TANC2: variants seen among roughly 807,000 people sequenced by gnomAD.
TANC2 encodes tetratricopeptide repeat, ankyrin repeat and coiled-coil containing 2.
A neutral mutation model predicts 210.5 loss-of-function variants in TANC2; 26 were observed. That is an observed-to-expected ratio of 0.12 (90% CI 0.09 to 0.17). TANC2 has a LOEUF of 0.17. TANC2 is among the 10% of genes least tolerant of loss of function. The pLI is 1.00. For synonymous variants in TANC2, 931 were observed against 967.1 expected, an observed-to-expected ratio of 0.96 and a Z score of 0.69; for missense variants, 2,129 against 2,608.9, an observed-to-expected ratio of 0.82 and a Z score of 4.01.
intron 7 of TANC2, among the ~76,000 whole-genome samples, chr17:63,214,402 C>G (rs1267818015): frequency 6.6e-6 from 1 of 152,230 alleles, no homozygotes; most frequent in African/African-American, 2.4e-5. Context: ...GTTGTGAAGG[C>G]CACTTTGGCC....
chr17:63,235,157 C>G (rs2042585446), intron 7 of TANC2, among the ~76,000 whole-genome samples: 1 of 151,822 alleles, frequency 6.6e-6, no homozygotes, highest in Non-Finnish European at 1.5e-5. Context: ...TTTCCATGTT[C>G]TTCCTTTGGA....
intron 7 of TANC2, among the ~76,000 whole-genome samples, chr17:63,202,911 CTTATATTCTGCT>C (rs2041582309): frequency 6.6e-6 from 1 of 152,016 alleles, no homozygotes; most frequent in African/African-American, 2.4e-5. Flanking sequence ...TAATACAGAT[CTTATATTCTGCT>C]TTTTAAAATC....
intron 9 of TANC2, chr17:63,305,118 G>C (rs1313764293): frequency 6.6e-6 from 1 of 152,606 alleles, no homozygotes; most frequent in Non-Finnish European, 1.5e-5. Flanking sequence ...GCTACCCCCA[G>C]GAGCTTGGTA....
intron 11 of TANC2, chr17:63,332,542 C>T: frequency 2.7e-6 from 1 of 369,350 alleles, no homozygotes; most frequent in Non-Finnish European, 5.3e-6. Context: ...GCAGCCATTT[C>T]ACAAACCCAG....
At chr17:63,268,977 G>C (rs894355172) in intron 9 of TANC2, among the ~76,000 whole-genome samples, 2 of 151,910 alleles carry the variant, frequency 1.3e-5, no homozygotes, top group Admixed American at 1.3e-4. Context: ...TTTATCTTAC[G>C]GATGATTTTC....
At chr17:63,036,671 C>A (rs1008850273) in intron 2 of TANC2, among the ~76,000 whole-genome samples, 1 of 152,136 alleles carries the variant, frequency 6.6e-6, no homozygotes, top group Non-Finnish European at 1.5e-5. Flanking sequence ...GGTGGAATTA[C>A]ATTAAATCTA....
rs186905576 is a variant in TANC2, at chr17:63,276,038, A to T, written c.1159+8165A>T. The stretch of plus-strand genomic sequence containing the variant: ...GGTCTATTAAAGTAACCATAATGCC[A>T]ATAAATTTACTTAGATAAGACTTTG... On this transcript the variant is annotated intron_variant, in intron 9 of 27. Coordinates refer to ENST00000689528, the Ensembl canonical transcript of TANC2. 2.6e-4 allele frequency among the ~76,000 whole-genome samples: 40 copies of T among 152,296 alleles called. 1 individual carries two copies. The East Asian group carries it at 7.7e-3, about 29-fold the overall frequency.
intron 4 of TANC2, among the ~76,000 whole-genome samples, chr17:63,119,737 G>A (rs1034590607): frequency 4.6e-5 from 7 of 152,090 alleles, no homozygotes; most frequent in African/African-American, 7.2e-5. Context: ...CAAAGAGGCC[G>A]GGTGCCATGG....
chr17:63,253,495 T>C (rs1427512861), intron 8 of TANC2, among the ~76,000 whole-genome samples: 1 of 152,222 alleles, frequency 6.6e-6, no homozygotes, highest in African/African-American at 2.4e-5. Flanking sequence ...TTTTAGGGTA[T>C]TACCGAAGAA....
At chr17:62,997,837 A>G (rs942180588) in intron 1 of TANC2, among the ~76,000 whole-genome samples, 6 of 152,214 alleles carry the variant, frequency 3.9e-5, no homozygotes, top group African/African-American at 1.4e-4. Flanking sequence ...AAGCCAATCC[A>G]CCACAAAACC....
chr17:62,989,614 T>C (rs759316381), intron 1 of TANC2, among the ~76,000 whole-genome samples: 7 of 152,246 alleles, frequency 4.6e-5, no homozygotes, highest in Non-Finnish European at 8.8e-5. Context: ...TGTATTCTTC[T>C]TCATTAGCCC....
chr17:63,111,523 C>CT (rs935595078), intron 4 of TANC2, among the ~76,000 whole-genome samples: 75 of 152,242 alleles, frequency 4.9e-4, no homozygotes, highest in African/African-American at 1.8e-3. Context: ...AACTGGGGCT[C>CT]TATTCTTCGT....
intron 14 of TANC2, among the ~76,000 whole-genome samples, chr17:63,367,027 C>T (rs183319760): frequency 8.7e-4 from 133 of 152,316 alleles, no homozygotes; most frequent in African/African-American, 2.7e-3. Flanking sequence ...ATTCTTAATA[C>T]TTGAGTCATA....
At chr17:63,120,204 C>A (rs1043005824) in intron 4 of TANC2, among the ~76,000 whole-genome samples, 1 of 151,182 alleles carries the variant, frequency 6.6e-6, no homozygotes, top group East Asian at 1.9e-4. Flanking sequence ...TTATATATTC[C>A]TTAAAGATTG....
intron 7 of TANC2, among the ~76,000 whole-genome samples, chr17:63,220,658 C>T (rs1226576924): frequency 7.9e-4 from 115 of 145,404 alleles, no homozygotes; most frequent in Admixed American, 1.9e-3. Context: ...GAGCTGAGAT[C>T]GCGCCACTGC....
At position 63,412,837 on chromosome 17, in the gene TANC2, A is replaced by G. The variant is rs1486425493; in HGVS notation, c.3928+128A>G. 13 of 1,172,768 alleles carry G rather than the reference A, an allele frequency of 1.1e-5. No individual in the cohort carries two copies. The highest frequency in any genetic ancestry group is 1.3e-5 in the Non-Finnish European group (11 of 855,600). The allele number at this position is 1,172,768 out of a possible 1,614,324, so 72.6% of individuals were successfully genotyped here. ...TTTTAATTTACTTCACCTTAAAAGA[A>G]GATTTTTTTTAATGACTGTTGTAGA... On this transcript the variant is annotated intron_variant, in intron 24 of 27. Transcript: ENST00000689528. The surrounding 1 kb of genome is among the most constrained non-coding windows in gnomAD (Gnocchi z 4.2).
intron 7 of TANC2, among the ~76,000 whole-genome samples, chr17:63,205,357 A>C (rs1051869979): frequency 2.7e-5 from 4 of 146,722 alleles, no homozygotes; most frequent in Non-Finnish European, 6.0e-5. Context: ...AAAAAAAAAA[A>C]AAAAAAAAAA....
At chr17:63,328,501 A>G (rs1191897697) in intron 11 of TANC2, among the ~76,000 whole-genome samples, 1 of 151,986 alleles carries the variant, frequency 6.6e-6, no homozygotes, top group Non-Finnish European at 1.5e-5. Flanking sequence ...ATAAAACTGA[A>G]GGACATTATG....
intron 1 of TANC2, among the ~76,000 whole-genome samples, chr17:62,991,216 T>TA: frequency 6.6e-6 from 1 of 152,218 alleles, no homozygotes; most frequent in Admixed American, 6.5e-5. Flanking sequence ...AAAATAATAT[T>TA]AAAAAAACAA....
Sources: allele counts gnomAD v4.1 joint callset (sites outside exome capture counted in the v4.1 genomes callset), GRCh38; gene constraint gnomAD v4.1.1; non-coding constraint Gnocchi (gnomAD v3.1); transcripts MANE v1.5; gene names NCBI Gene and HGNC (gene_info 2026-07-23, HGNC 2026-07-21).